Variants in PTPRT observed in about 807,000 individuals in gnomAD.
PTPRT encodes the protein receptor-type tyrosine-protein phosphatase T.
PTPRT carries 56 observed loss-of-function variants against 176.8 expected under a neutral mutation model. The observed-to-expected ratio is 0.32, with a 90% confidence interval of 0.26 to 0.40. PTPRT has a LOEUF of 0.40. Among genes scored for constraint, PTPRT ranks in the 10% least tolerant of loss-of-function variants. PTPRT has a pLI of 1.00. For synonymous variants in PTPRT, 783 were observed against 739.0 expected (o/e 1.06, Z -0.96); for missense variants, 1,540 against 1,908.2 (o/e 0.81, Z 3.60).
At chr20:42,484,206 AT>A (rs1186535065) in intron 7 of PTPRT, among the ~76,000 whole-genome samples, 4 of 151,558 alleles carry the variant, frequency 2.6e-5, no homozygotes, top group African/African-American at 9.7e-5. Flanking sequence ...TGTTTTGGTA[AT>A]TTTTTTTTCC....
chr20:42,825,754 G>A (rs2077981813), intron 2 of PTPRT, among the ~76,000 whole-genome samples: 1 of 152,086 alleles, frequency 6.6e-6, no homozygotes. Flanking sequence ...GACAGCAATT[G>A]AGAGATGCAA....
intron 7 of PTPRT, among the ~76,000 whole-genome samples, chr20:42,544,198 G>C (rs1002091364): frequency 3.3e-5 from 5 of 152,160 alleles, no homozygotes; most frequent in African/African-American, 1.2e-4. Context: ...TCCAACTTAA[G>C]ACTTTTGTCT....
intron 7 of PTPRT, among the ~76,000 whole-genome samples, chr20:42,530,293 C>T (rs935855772): frequency 4.6e-5 from 7 of 152,224 alleles, no homozygotes; most frequent in Non-Finnish European, 1.0e-4. Flanking sequence ...AGCACTCCTA[C>T]CAACCCTCTC....
intron 7 of PTPRT, among the ~76,000 whole-genome samples, chr20:42,487,884 T>G (rs998965131): frequency 6.6e-6 from 1 of 152,236 alleles, no homozygotes; most frequent in Non-Finnish European, 1.5e-5. Context: ...CTCTTCACTT[T>G]CACTGCCTTC....
intron 1 of PTPRT, among the ~76,000 whole-genome samples, chr20:43,095,002 G>A (rs777034221): frequency 1.3e-5 from 2 of 152,132 alleles, no homozygotes; most frequent in Non-Finnish European, 2.9e-5. Context: ...CATGAGCAGC[G>A]AGGGAAACAG....
Position 42,528,601 on chromosome 20 carries a change from T to G in PTPRT, c.1154-56039A>C, listed in dbSNP as rs149026934. On this transcript the variant is annotated intron_variant, in intron 7 of 30. Coordinates refer to ENST00000373187, the MANE Select transcript of PTPRT (RefSeq NM_007050.6). ...GAATATCTTGGGTCTGGGTCTCTGA[T>G]GAATCATGTGTATGTTACATACAAT... is the stretch of plus-strand genomic sequence containing the variant. Among the ~76,000 whole-genome samples, 31 of 152,320 alleles carry G rather than the reference T, an allele frequency of 2.0e-4. No homozygotes were observed. In the East Asian group the frequency reaches 5.8e-3, roughly 29 times the overall value.
chr20:42,198,963 A>G (rs1410991743), intron 16 of PTPRT, among the ~76,000 whole-genome samples: 1 of 152,154 alleles, frequency 6.6e-6, no homozygotes, highest in African/African-American at 2.4e-5. Context: ...TTTTACTGCT[A>G]TTATTTTTAA....
intron 12 of PTPRT, among the ~76,000 whole-genome samples, chr20:42,294,681 CT>C (rs1463754325): frequency 1.3e-5 from 2 of 150,974 alleles, no homozygotes; most frequent in Non-Finnish European, 3.0e-5. Flanking sequence ...AAATCTACCC[CT>C]AACAAGAAAA....
At chr20:42,697,375 G>C (rs1397245275) in intron 6 of PTPRT, among the ~76,000 whole-genome samples, 6 of 152,142 alleles carry the variant, frequency 3.9e-5, no homozygotes, top group Non-Finnish European at 7.3e-5. Context: ...ATTTTACAGT[G>C]GTAAATAAAC....
chr20:43,008,847 G>C (rs866026128), intron 1 of PTPRT, among the ~76,000 whole-genome samples: 4 of 152,142 alleles, frequency 2.6e-5, no homozygotes, highest in Non-Finnish European at 5.9e-5. Context: ...TGACTCTCTT[G>C]ACCACTCATG....
chr20:42,791,746 C>G (rs535776610), intron 2 of PTPRT, among the ~76,000 whole-genome samples: 1 of 152,320 alleles, frequency 6.6e-6, no homozygotes, highest in African/African-American at 2.4e-5. Context: ...TTGCTATTTG[C>G]AGAAAACATA....
chr20:42,248,909 G>C (rs2056502991), intron 13 of PTPRT, 87 bp from the exon 14 acceptor site: 1 of 1,499,112 alleles, frequency 6.7e-7, no homozygotes. Context: ...GCTTCCTTTA[G>C]TTGAGTGCTA....
chr20:42,350,214 G>GTTTTTTTTTTTTTTTTTTT (rs764181357), intron 11 of PTPRT, among the ~76,000 whole-genome samples: 1 of 58,288 alleles, frequency 1.7e-5, no homozygotes, highest in Non-Finnish European at 3.3e-5. Flanking sequence ...GATGTTTCTT[G>GTTTTTTTTTTTTTTTTTTT]TTTTTTTTTT....
At chr20:42,335,617 A>G (rs1310623374) in intron 11 of PTPRT, among the ~76,000 whole-genome samples, 1 of 152,214 alleles carries the variant, frequency 6.6e-6, no homozygotes, top group Non-Finnish European at 1.5e-5. Flanking sequence ...AAAAATTATG[A>G]CTGCCAAAAT....
chr20:43,027,457 C>A (rs1437469290), intron 1 of PTPRT, among the ~76,000 whole-genome samples: 1 of 136,918 alleles, frequency 7.3e-6, no homozygotes, highest in Non-Finnish European at 1.6e-5. Flanking sequence ...GCCTAGGCAA[C>A]AGGGCAAGAC....
At chr20:42,314,097 T>G (rs2145366837) in intron 12 of PTPRT, among the ~76,000 whole-genome samples, 1 of 152,290 alleles carries the variant, frequency 6.6e-6, no homozygotes, top group Non-Finnish European at 1.5e-5. Context: ...AGCTTCTCAG[T>G]TCTCCATGTT....
At chr20:42,576,714 A>G (rs1014483524) in intron 7 of PTPRT, among the ~76,000 whole-genome samples, 6 of 152,252 alleles carry the variant, frequency 3.9e-5, no homozygotes, top group African/African-American at 1.4e-4. Flanking sequence ...GTTTAGAAAG[A>G]CACAAAGGAA....
chr20:43,073,006 A>C (rs980454695), intron 1 of PTPRT, among the ~76,000 whole-genome samples: 1 of 152,200 alleles, frequency 6.6e-6, no homozygotes, highest in Non-Finnish European at 1.5e-5. Context: ...ATAAAAGACC[A>C]TCTGTGTGCT....
chr20:42,468,344 C>T (rs1172560923), intron 8 of PTPRT, among the ~76,000 whole-genome samples: 1 of 152,146 alleles, frequency 6.6e-6, no homozygotes, highest in Non-Finnish European at 1.5e-5. Flanking sequence ...AACGAGTTAC[C>T]CAGCCAACAG....
Sources: allele counts gnomAD v4.1 joint callset (sites outside exome capture counted in the v4.1 genomes callset), GRCh38; gene constraint gnomAD v4.1.1; transcripts MANE v1.5; gene names NCBI Gene and HGNC (gene_info 2026-07-23, HGNC 2026-07-21).